MROH1: variants seen among roughly 807,000 people sequenced by gnomAD.
The protein encoded by MROH1 is maestro heat-like repeat-containing protein family member 1.
Under a neutral mutation model 116.5 loss-of-function variants are expected in MROH1, and 117 were observed. The observed-to-expected ratio is 1.00, with a 90% confidence interval of 0.86 to 1.17. The LOEUF is 1.17. Ranked by LOEUF, MROH1 falls within the 50% of genes most tolerant of loss-of-function variation. The probability of loss-of-function intolerance (pLI) is 0.00; values close to 1 mark genes in which losing one functional copy is unlikely to be tolerated. For missense variants in MROH1, 1,873 were observed against 1,338.5 expected (o/e 1.40, Z -6.23); for synonymous variants, 921 against 583.9 (o/e 1.58, Z -8.32).
At chr8:144,172,287 T>G (rs1340571511) in intron 4 of MROH1, among the ~76,000 whole-genome samples, 1 of 152,198 alleles carries the variant, frequency 6.6e-6, no homozygotes, top group Non-Finnish European at 1.5e-5. Context: ...ATCTATTATC[T>G]CTGAAGGCTG....
rs1011036000 is a variant in MROH1, at chr8:144,244,509, G to A, written c.2736G>A (p.Met912Ile). The change falls in exon 28 of 44, where the codon ATG becomes ATA. Residue 912 changes from methionine (M) to isoleucine (I), a missense_variant. Met to Ile is a conservative substitution (Grantham distance 10, BLOSUM62 1). Transcript: ENST00000326134. The part of the protein sequence containing the change: ...DLLTSLLQRN[M>I]TPQGLQIMIE... ...TGACGAGCCTCCTGCAGCGGAACAT[G>A]ACCCCCCAAGGCCTGCAGATCATGA... is the stretch of plus-strand genomic sequence containing the variant. 1 of 772,974 alleles carries A rather than the reference G, an allele frequency of 1.3e-6. No individual in the cohort carries two copies. Among genetic ancestry groups the A allele is most frequent in the Non-Finnish European group, 2.4e-6 (1 of 414,376 alleles). 47.9% of individuals were successfully genotyped at this position (772,974 alleles called of 1,614,324 possible).
intron 14 of MROH1, among the ~76,000 whole-genome samples, chr8:144,233,295 ACT>A (rs1839292321): frequency 6.9e-6 from 1 of 144,572 alleles, no homozygotes; most frequent in Admixed American, 7.1e-5. Flanking sequence ...CCAAACAGAA[ACT>A]CTGTCCTCAT....
chr8:144,220,753 C>T (rs1486452773), intron 13 of MROH1, 80 bp downstream of exon 13: 15 of 1,295,736 alleles, frequency 1.2e-5, no homozygotes, highest in Non-Finnish European at 1.6e-5. Context: ...GCTGTGAGAT[C>T]ACCCACCAAC....
chr8:144,240,495 G>A (rs1840785929), intron 19 of MROH1, 75 bp from the exon 20 acceptor site: 1 of 708,256 alleles, frequency 1.4e-6, no homozygotes, highest in African/African-American at 1.7e-5. Flanking sequence ...CACAGCACAT[G>A]GGGATGTGCC....
At chr8:144,252,217 C>T (rs1045775533) in intron 33 of MROH1, 5 of 163,548 alleles carry the variant, frequency 3.1e-5, no homozygotes, top group African/African-American at 9.6e-5. Context: ...ATTTCTCTTT[C>T]GTGTGTATAT....
intron 10 of MROH1, among the ~76,000 whole-genome samples, chr8:144,195,219 A>AAAAAAAAAAAAAAAAAAAT (rs1829573222): frequency 7.0e-6 from 1 of 141,932 alleles, no homozygotes; most frequent in Non-Finnish European, 1.5e-5. Context: ...AAAAAAAAAA[A>AAAAAAAAAAAAAAAAAAAT]GGCCGAGTGC....
intron 33 of MROH1, chr8:144,250,661 G>GGCT (rs1339247133): frequency 2.0e-6 from 1 of 492,950 alleles, no homozygotes; most frequent in Non-Finnish European, 3.7e-6. Context: ...AAAACTGCCT[G>GGCT]GCTGCTCTGT....
Position 144,261,038 on chromosome 8 carries a change from C to G in MROH1, c.4668C>G (p.His1556Gln), listed in dbSNP as rs2130109766. The change falls in exon 41 of 44, where the codon CAC becomes CAG. Residue 1556 changes from histidine to glutamine, a missense_variant. Coordinates refer to ENST00000326134, the MANE Select transcript of MROH1 (RefSeq NM_032450.3). ...AGTTCCTCAACACCACCTGCAAGCA[C>G]CTGGTGAGGGGTGGGGCCAGGCGGG... Reference protein sequence around the residue: ...FGEFLNTTCKHLMHHFPDLLG... With the variant: ...FGEFLNTTCKQLMHHFPDLLG... 7.4e-6 allele frequency: 4 copies of G among 540,518 alleles called. No individual in the cohort carries two copies. Among genetic ancestry groups the G allele is most frequent in the South Asian group, 5.6e-5 (4 of 70,806 alleles). The allele number at this position is 540,518 out of a possible 1,614,324, so 33.5% of individuals were successfully genotyped here.
intron 26 of MROH1, 25 bp from the exon 27 acceptor site, chr8:144,244,197 C>T (rs1403029758): frequency 1.4e-6 from 1 of 716,142 alleles, no homozygotes; most frequent in Non-Finnish European, 2.6e-6. Context: ...GGATCATTGT[C>T]TGGGGCCCTT....
At chr8:144,196,163 GC>G (rs1330902006) in intron 10 of MROH1, among the ~76,000 whole-genome samples, 1 of 151,566 alleles carries the variant, frequency 6.6e-6, no homozygotes, top group Non-Finnish European at 1.5e-5. Context: ...GGTGGCGGGT[GC>G]CTGTAATCCC....
intron 14 of MROH1, among the ~76,000 whole-genome samples, chr8:144,236,481 C>T (rs1240526920): frequency 6.6e-6 from 1 of 152,176 alleles, no homozygotes; most frequent in Non-Finnish European, 1.5e-5. Context: ...TGGCTCACGC[C>T]TGTAATCCCA....
At chr8:144,166,066 A>G (rs1409395749) in intron 3 of MROH1, among the ~76,000 whole-genome samples, 1 of 151,918 alleles carries the variant, frequency 6.6e-6, no homozygotes, top group Non-Finnish European at 1.5e-5. Context: ...TTTAGTAGAG[A>G]TATGGTTTCA....
At chr8:144,217,763 C>T (rs898915042) in intron 12 of MROH1, among the ~76,000 whole-genome samples, 2 of 152,224 alleles carry the variant, frequency 1.3e-5, no homozygotes, top group Non-Finnish European at 2.9e-5. Flanking sequence ...GTGACCACAC[C>T]TGCCTAATTT....
Position 144,209,407 on chromosome 8 carries a change from C to T in MROH1, c.1141+8866C>T, listed in dbSNP as rs572914616. Among the ~76,000 whole-genome samples the T allele has an allele frequency of 7.3e-5, 11 of 151,544 alleles. No homozygotes were observed. The East Asian group carries it at 1.2e-3, about 16-fold the overall frequency. Reference sequence around the variant, plus strand: ...CATCCTGGCTAACACAGTGAAACCCCGTCTCTACAAAAAATACAAAAAATT... The same window carrying T: ...CATCCTGGCTAACACAGTGAAACCCTGTCTCTACAAAAAATACAAAAAATT... On this transcript the variant is annotated intron_variant, in intron 12 of 43. Coordinates refer to ENST00000326134, the MANE Select transcript of MROH1 (RefSeq NM_032450.3).
At chr8:144,191,502 A>G (rs1439907842) in intron 8 of MROH1, among the ~76,000 whole-genome samples, 1 of 152,102 alleles carries the variant, frequency 6.6e-6, no homozygotes, top group Admixed American at 6.5e-5. Flanking sequence ...GGCACTGAGC[A>G]TCTCCTACAA....
Position 144,255,501 on chromosome 8 carries a change from T to G in MROH1, c.3595-8T>G. On this transcript the variant is annotated splice_polypyrimidine_tract_variant and splice_region_variant and intron_variant, in intron 34 of 43. Transcript: ENST00000326134. The stretch of plus-strand genomic sequence containing the variant: ...GGAGGCATGGCCCTGTGATGACTTC[T>G]CCCCCAGGCTACCTGTGCACTGTTT... 1 of 778,408 alleles carries G rather than the reference T, an allele frequency of 1.3e-6. No homozygotes were observed. Among genetic ancestry groups the G allele is most frequent in the African/African-American group, 1.7e-5 (1 of 59,210 alleles). 48.2% of individuals were successfully genotyped at this position (778,408 alleles called of 1,614,324 possible).
At chr8:144,240,233 C>T (rs1451124603) in intron 19 of MROH1, 80 bp downstream of exon 19, 4 of 672,050 alleles carry the variant, frequency 6.0e-6, no homozygotes, top group Non-Finnish European at 1.1e-5. Context: ...GAGGCTGGGC[C>T]ACCTGCCTCG....
chr8:144,194,380 A>G (rs1035429189), intron 10 of MROH1, among the ~76,000 whole-genome samples: 6 of 152,298 alleles, frequency 3.9e-5, no homozygotes, highest in African/African-American at 1.4e-4. Context: ...CTTAACAACT[A>G]AGATTGGAAA....
At chr8:144,231,801 A>G (rs1287937600) in intron 14 of MROH1, among the ~76,000 whole-genome samples, 1 of 152,224 alleles carries the variant, frequency 6.6e-6, no homozygotes, top group East Asian at 1.9e-4. Context: ...GCTGCCCCAG[A>G]CCTTCCACTT....
Sources: gnomAD v4.1 joint callset for allele counts (sites outside exome capture counted in the v4.1 genomes callset) on GRCh38, gnomAD v4.1.1 for gene constraint, MANE v1.5 for transcripts, NCBI Gene and HGNC (gene_info 2026-07-23, HGNC 2026-07-21) for gene names.